The following DHX9 variants were observed in gnomAD, a reference collection of about 807,000 sequenced individuals.
DHX9 encodes DExH-box helicase 9.
Under a neutral mutation model 148.7 loss-of-function variants are expected in DHX9, and 27 were observed. The ratio of observed to expected loss-of-function variants is 0.18; its 90% CI spans 0.13 to 0.25. The LOEUF (loss-of-function observed/expected upper bound fraction) is 0.25, where lower values mean the gene tolerates loss of function less well. Ranked by LOEUF, DHX9 falls within the 10% of genes least tolerant of loss-of-function variation. The pLI is 1.00. For synonymous variants in DHX9, 529 were observed against 516.6 expected (o/e 1.02, Z -0.33); for missense variants, 796 against 1,559.6 (o/e 0.51, Z 8.25).
rs765063564 is a variant in DHX9, at chr1:182,883,195, G to C, written c.2971G>C (p.Val991Leu). 1 of 1,614,010 alleles carries C rather than the reference G, an allele frequency of 6.2e-7. No homozygotes were observed. Among genetic ancestry groups the C allele is most frequent in the Non-Finnish European group, 8.5e-7 (1 of 1,179,996 alleles). Reference sequence around the variant, plus strand: ...TGGACCAGATAATAATTTGGATGTTGTTATCTCCCTCCTGGCCTTTGGTGT... The same window carrying C: ...TGGACCAGATAATAATTTGGATGTTCTTATCTCCCTCCTGGCCTTTGGTGT... Reference protein sequence around the residue: ...NTGPDNNLDVVISLLAFGVYP... With the variant: ...NTGPDNNLDVLISLLAFGVYP... Residue 991 changes from valine (V) to leucine (L), a missense_variant, in exon 25 of 28, where the codon GTT becomes CTT. This residue lies in a region of DHX9 where 122 missense variants were observed against 289.3 expected (regional missense o/e 0.42). Coordinates refer to ENST00000367549, the MANE Select transcript of DHX9 (RefSeq NM_001357.5).
chr1:182,856,102 G>T (rs570062388), intron 6 of DHX9, among the ~76,000 whole-genome samples: 1 of 152,148 alleles, frequency 6.6e-6, no homozygotes, highest in Non-Finnish European at 1.5e-5. Context: ...TTAATAGATC[G>T]CAGTCATTAA....
At chr1:182,884,587 A>G (rs774003373) in intron 26 of DHX9, 26 bp from the exon 27 acceptor site, 6 of 1,605,870 alleles carry the variant, frequency 3.7e-6, no homozygotes, top group Non-Finnish European at 5.1e-6. Context: ...TCCCTCTCTT[A>G]TTTTTAATGT....
chr1:182,842,513 A>G lies in DHX9; in HGVS notation c.-22-32A>G. The G allele has an allele frequency of 2.2e-6, 3 of 1,337,798 alleles. No homozygotes were observed. In the South Asian group the frequency reaches 3.9e-5, roughly 17 times the overall value. 82.9% of individuals were successfully genotyped at this position (1,337,798 alleles called of 1,614,324 possible). A position where few individuals can be genotyped will look rare whatever the true frequency, so the allele number is the denominator to read the frequency against. On this transcript the variant is annotated intron_variant, in intron 1 of 27. Transcript: ENST00000367549. Reference sequence around the variant, plus strand: ...TTCCTCCCAGTTTTTGCTATTATAAATGCTGTTTTTAACTGACTTTTGTTT... The same window carrying G: ...TTCCTCCCAGTTTTTGCTATTATAAGTGCTGTTTTTAACTGACTTTTGTTT...
intron 14 of DHX9, among the ~76,000 whole-genome samples, chr1:182,868,254 G>GA (rs747707613): frequency 6.6e-6 from 1 of 152,118 alleles, no homozygotes; most frequent in Admixed American, 6.5e-5. Context: ...CTAAAAGAAA[G>GA]AAGCTAGAGG....
At chr1:182,881,075 C>T (rs1275453752) in intron 22 of DHX9, among the ~76,000 whole-genome samples, 189 bp from the exon 23 acceptor site, 3 of 152,186 alleles carry the variant, frequency 2.0e-5, no homozygotes, top group African/African-American at 7.2e-5. Context: ...GCCATTAGAG[C>T]ATCAGAGCAT....
chr1:182,879,108 C>T (rs1400482340), intron 20 of DHX9, 142 bp from the exon 21 acceptor site: 8 of 617,098 alleles, frequency 1.3e-5, no homozygotes, highest in South Asian at 4.9e-5. Context: ...GTATAGTGAA[C>T]GATAAAAGGT....
intron 27 of DHX9, among the ~76,000 whole-genome samples, chr1:182,885,553 T>C (rs1649281792): frequency 6.6e-6 from 1 of 152,204 alleles, no homozygotes; most frequent in Non-Finnish European, 1.5e-5. Context: ...AGTAATACTA[T>C]AATATACTAA....
chr1:182,882,347 T>C (rs1452004288), intron 24 of DHX9, among the ~76,000 whole-genome samples: 1 of 152,222 alleles, frequency 6.6e-6, no homozygotes, highest in Non-Finnish European at 1.5e-5. Context: ...GAACAAAATA[T>C]GTCTGTGCTT....
Position 182,859,050 on chromosome 1 carries a change from A to G in DHX9, c.1073A>G (p.Glu358Gly). The G allele has an allele frequency of 1.9e-6, 3 of 1,614,114 alleles. No individual in the cohort carries two copies. The highest frequency in any genetic ancestry group is 2.5e-6 in the Non-Finnish European group (3 of 1,180,010). ...DEGPLAFATPEQISMDLKNEL... is the reference protein window; with the variant it reads ...DEGPLAFATPGQISMDLKNEL... ...CTTTTTGTTTTACAGGCTACTCCAG[A>G]GCAAATAAGCATGGACCTCAAGAAT... The change falls in exon 11 of 28, where the codon GAG becomes GGG. Residue 358 changes from glutamate (E) to glycine (G), a missense_variant. Physicochemically the swap from Glu to Gly is moderately conservative, Grantham distance 98. Around this residue, in one of 14 missense-constraint regions of DHX9, gnomAD observed 11 missense variants for 42.5 expected, o/e 0.26. Coordinates refer to ENST00000367549, the MANE Select transcript of DHX9 (RefSeq NM_001357.5).
chr1:182,887,557 G>A lies in DHX9; in HGVS notation c.*123G>A, dbSNP rs1649393436. The A allele has an allele frequency of 1.6e-5, 14 of 863,294 alleles. No individual in the cohort carries two copies. The South Asian group carries it at 2.6e-4, about 16-fold the overall frequency. 53.5% of individuals were successfully genotyped at this position (863,294 alleles called of 1,614,324 possible). ...GTAAATGCATTTTCACCCATTCTGT[G>A]GTTCATTGTAGTTTAAGGAAACCAA... is the stretch of plus-strand genomic sequence containing the variant. On this transcript the variant is annotated 3_prime_UTR_variant, in exon 28 of 28. Coordinates refer to ENST00000367549, the MANE Select transcript of DHX9 (RefSeq NM_001357.5).
chr1:182,858,298 T>C, intron 8 of DHX9, 58 bp downstream of exon 8: 1 of 1,566,514 alleles, frequency 6.4e-7, no homozygotes, highest in East Asian at 2.3e-5. Context: ...TTAGCTCTTG[T>C]TTAGTGTTTG....
chr1:182,882,076 C>T (rs1649109009), intron 24 of DHX9, among the ~76,000 whole-genome samples: 2 of 152,274 alleles, frequency 1.3e-5, no homozygotes, highest in South Asian at 4.1e-4. Flanking sequence ...AGAAATAAGA[C>T]TGTTGAGAGA....
intron 24 of DHX9, among the ~76,000 whole-genome samples, chr1:182,882,081 G>A (rs1649109351): frequency 6.6e-6 from 1 of 152,184 alleles, no homozygotes; most frequent in Non-Finnish European, 1.5e-5. Flanking sequence ...TAAGACTGTT[G>A]AGAGACAGAA....
At chr1:182,875,108 T>C (rs1648699500) in intron 16 of DHX9, 154 bp downstream of exon 16, 3 of 698,660 alleles carry the variant, frequency 4.3e-6, no homozygotes, top group Non-Finnish European at 5.1e-6. Flanking sequence ...TGTATTTTAC[T>C]GCAAAAAAAT....
chr1:182,849,370 T>C (rs1416883403), intron 3 of DHX9, among the ~76,000 whole-genome samples: 2 of 152,222 alleles, frequency 1.3e-5, no homozygotes, highest in Non-Finnish European at 2.9e-5. Context: ...TATTCATCTG[T>C]TAATATTTCA....
At chr1:182,869,553 G>A (rs529081666) in intron 14 of DHX9, among the ~76,000 whole-genome samples, 11 of 152,256 alleles carry the variant, frequency 7.2e-5, no homozygotes, top group African/African-American at 1.4e-4. Flanking sequence ...AGTCCTGACC[G>A]GTCTTATCTG....
intron 21 of DHX9, 32 bp from the exon 22 acceptor site, chr1:182,880,465 G>T: frequency 1.4e-6 from 2 of 1,433,064 alleles, no homozygotes; most frequent in Non-Finnish European, 2.0e-6. Context: ...GTGTTCATTT[G>T]TTTCTGCTCA....
At chr1:182,868,520 C>CTTTTTTTTTTTTTTT (rs59218081) in intron 14 of DHX9, among the ~76,000 whole-genome samples, 3,539 of 126,264 alleles carry the variant, frequency 0.028, 155 homozygotes, top group East Asian at 0.046. Flanking sequence ...ATTTTAATTC[C>CTTTTTTTTTTTTTTT]TTTTTTTTTT....
At chr1:182,849,462 A>G (rs146008540) in intron 3 of DHX9, among the ~76,000 whole-genome samples, 2 of 152,374 alleles carry the variant, frequency 1.3e-5, no homozygotes, top group African/African-American at 4.8e-5. Context: ...TAGTGTCAAT[A>G]TAATGAGATA....
Sources: gnomAD v4.1 joint callset for allele counts (sites outside exome capture counted in the v4.1 genomes callset) on GRCh38, gnomAD v4.1.1 for gene constraint, gnomAD v4.1.1 regional missense constraint, MANE v1.5 for transcripts, NCBI Gene and HGNC (gene_info 2026-07-23, HGNC 2026-07-21) for gene names.